CMTM4: variants seen among roughly 807,000 people sequenced by gnomAD.
CMTM4 encodes the protein CKLF like MARVEL transmembrane domain containing 4.
In CMTM4, 8 loss-of-function variants were observed where a neutral mutation model predicts 19.0. The ratio of observed to expected loss-of-function variants is 0.42; its 90% CI spans 0.25 to 0.76. The LOEUF (loss-of-function observed/expected upper bound fraction) is 0.76. Ranked by LOEUF, CMTM4 falls within the 30% of genes least tolerant of loss-of-function variation. The probability of loss-of-function intolerance (pLI) is 0.27; values close to 1 mark genes in which losing one functional copy is unlikely to be tolerated. For missense variants in CMTM4, 228 were observed against 290.2 expected, an observed-to-expected ratio of 0.79 and a Z score of 1.56; for synonymous variants, 106 against 121.1, an observed-to-expected ratio of 0.88 and a Z score of 0.82.
intron 1 of CMTM4, among the ~76,000 whole-genome samples, chr16:66,682,509 G>C (rs2016934550): frequency 6.6e-6 from 1 of 152,120 alleles, no homozygotes; most frequent in South Asian, 2.1e-4. Flanking sequence ...CGCAGTGGCA[G>C]TAAAGAAAAC....
intron 1 of CMTM4, among the ~76,000 whole-genome samples, chr16:66,672,418 C>CAA (rs58252678): frequency 1.3e-5 from 1 of 74,666 alleles, no homozygotes; most frequent in African/African-American, 4.6e-5. Flanking sequence ...GACTACGTCT[C>CAA]AAAAAAAAAA....
intron 1 of CMTM4, among the ~76,000 whole-genome samples, chr16:66,659,257 C>T (rs1199797504): frequency 2.0e-5 from 3 of 152,016 alleles, no homozygotes; most frequent in Non-Finnish European, 4.4e-5. Flanking sequence ...CACCTGTAGT[C>T]CCAGCTACTT....
chr16:66,672,477 A>G (rs977630149), intron 1 of CMTM4, among the ~76,000 whole-genome samples: 1 of 149,958 alleles, frequency 6.7e-6, no homozygotes, highest in Non-Finnish European at 1.5e-5. Flanking sequence ...CAACTTATAT[A>G]TATATAATAT....
intron 2 of CMTM4, among the ~76,000 whole-genome samples, chr16:66,624,322 A>C (rs1405743814): frequency 6.6e-6 from 1 of 152,250 alleles, no homozygotes; most frequent in Non-Finnish European, 1.5e-5. Flanking sequence ...GGCACCCAGT[A>C]GCCTGGGTCA....
rs2015623137 is a variant in CMTM4 at position 66,621,012 on chromosome 16, T to G, written c.*1046A>C. 1 of 985,768 alleles carries G rather than the reference T, an allele frequency of 1.0e-6. No individual in the cohort carries two copies. Among genetic ancestry groups the G allele is most frequent in the Admixed American group, 6.1e-5 (1 of 16,270 alleles). 61.1% of individuals were successfully genotyped at this position (985,768 alleles called of 1,614,324 possible). ...GCGCCCAAAGCGACAATTAGTGCCT[T>G]CTGAAACATGGGTGGAAGGGTGTGT... On this transcript the variant is annotated 3_prime_UTR_variant, in exon 4 of 4. Coordinates refer to ENST00000394106, the MANE Select transcript of CMTM4 (RefSeq NM_181521.3).
rs534496519 is a variant in CMTM4 at position 66,621,072 on chromosome 16, C to T, written c.*986G>A. On this transcript the variant is annotated 3_prime_UTR_variant, in exon 4 of 4. Transcript: ENST00000394106. ...AATTCAAGTATTTTCAAATCCTAGA[C>T]GAATCTGCTCAGAATCATTTTAGAA... The T allele has an allele frequency of 1.2e-4, 116 of 985,850 alleles. No individual in the cohort carries two copies. In the South Asian group the frequency reaches 2.3e-3, roughly 19 times the overall value. 61.1% of individuals were successfully genotyped at this position (985,850 alleles called of 1,614,324 possible).
chr16:66,674,388 G>A (rs1313935086), intron 1 of CMTM4, among the ~76,000 whole-genome samples: 3 of 152,264 alleles, frequency 2.0e-5, no homozygotes, highest in East Asian at 1.9e-4. Context: ...AGACAGGGAC[G>A]GACATGGCCC....
chr16:66,668,681 C>A lies in CMTM4; in HGVS notation c.186+27659G>T, dbSNP rs557752386. Among the ~76,000 whole-genome samples the A allele has an allele frequency of 3.3e-5, 5 of 151,986 alleles. No homozygotes were observed. The East Asian group carries it at 9.7e-4, about 29-fold the overall frequency. ...AAACAGATGACAACACTTCACTGTC[C>A]CTAAATAAGCTTTTGACTATTACCT... On this transcript the variant is annotated intron_variant, in intron 1 of 3. Coordinates refer to ENST00000394106, the MANE Select transcript of CMTM4 (RefSeq NM_181521.3).
chr16:66,606,255 CAG>C, the CMTM4 span, among the ~76,000 whole-genome samples: 3 of 152,066 alleles, frequency 2.0e-5, no homozygotes, highest in East Asian at 1.9e-4. Flanking sequence ...TGGACAGAAA[CAG>C]AGAGAGGAAG....
Position 66,618,227 on chromosome 16 carries a change from C to T in CMTM4, c.*3831G>A. The stretch of plus-strand genomic sequence containing the variant: ...TATTCTGCTCAAGAGAATCCACCAG[C>T]AGCTCTTGGCCTAGAAACTTTTTCC... On this transcript the variant is annotated 3_prime_UTR_variant, in exon 4 of 4. Transcript: ENST00000394106. 1.0e-6 allele frequency: 1 copy of T among 985,500 alleles called. No homozygotes were observed. Among genetic ancestry groups the T allele is most frequent in the South Asian group, 4.7e-5 (1 of 21,292 alleles). 61.0% of individuals were successfully genotyped at this position (985,500 alleles called of 1,614,324 possible). A position where few individuals can be genotyped will look rare whatever the true frequency, so the allele number is the denominator to read the frequency against.
In CMTM4 at chr16:66,615,632, C is replaced by T. The variant is rs2015512652; in HGVS notation, c.*6426G>A. On this transcript the variant is annotated 3_prime_UTR_variant, in exon 4 of 4. Coordinates refer to ENST00000394106, the MANE Select transcript of CMTM4 (RefSeq NM_181521.3). The surrounding 1 kb of genome is among the most constrained non-coding windows in gnomAD (Gnocchi z 4.9). ...GGCTGAGGTCCCCCAGGAAGCTTCC[C>T]ACTCTGCAGTGGCAGGAAGGCCATG... The T allele has an allele frequency of 6.6e-6, 1 of 152,280 alleles. No homozygotes were observed. The highest frequency in any genetic ancestry group is 1.5e-5 in the Non-Finnish European group (1 of 68,088). 9.4% of individuals were successfully genotyped at this position (152,280 alleles called of 1,614,324 possible).
chr16:66,610,731 G>A (rs1317238536), downstream of CMTM4: 3 of 398,288 alleles, frequency 7.5e-6, no homozygotes, highest in Non-Finnish European at 1.3e-5. The surrounding 1 kb of genome is among the most constrained non-coding windows in gnomAD (Gnocchi z 4.6). Flanking sequence ...GGCAGTGCCT[G>A]TGGCTGGACA....
rs2015641444 is a variant in CMTM4 at position 66,621,830 on chromosome 16, G to A, written c.*228C>T. The stretch of plus-strand genomic sequence containing the variant: ...CAGGTAAGACCTCAAGTGGACCTGG[G>A]CAGTGACGCCGGCTGCTCCACAGCC... On this transcript the variant is annotated 3_prime_UTR_variant, in exon 4 of 4. Transcript: ENST00000394106. 1 of 1,379,826 alleles carries A rather than the reference G, an allele frequency of 7.2e-7. No homozygotes were observed. The highest frequency in any genetic ancestry group is 1.4e-5 in the African/African-American group (1 of 68,992). The allele number at this position is 1,379,826 out of a possible 1,614,324, so 85.5% of individuals were successfully genotyped here. A position where few individuals can be genotyped will look rare whatever the true frequency, so the allele number is the denominator to read the frequency against.
downstream of CMTM4, chr16:66,611,160 T>C (rs2015361911): frequency 1.3e-5 from 4 of 298,904 alleles, no homozygotes; most frequent in South Asian, 1.6e-4. Flanking sequence ...TATGTTAGAA[T>C]TGAATATAGC....
chr16:66,645,334 CT>C (rs1207028274), intron 1 of CMTM4, among the ~76,000 whole-genome samples: 1 of 151,638 alleles, frequency 6.6e-6, no homozygotes, highest in Non-Finnish European at 1.5e-5. Flanking sequence ...AATCCCAGCA[CT>C]TTGGGAGGCC....
intron 2 of CMTM4, among the ~76,000 whole-genome samples, chr16:66,634,471 A>C (rs2015952362): frequency 6.6e-6 from 1 of 152,028 alleles, no homozygotes. Flanking sequence ...CAAAAACAAC[A>C]AAAAGTAGGT....
At chr16:66,640,979 A>G (rs1253060163) in intron 1 of CMTM4, among the ~76,000 whole-genome samples, 2 of 152,244 alleles carry the variant, frequency 1.3e-5, no homozygotes, top group African/African-American at 4.8e-5. Flanking sequence ...ACCTCCTGAG[A>G]GAACCAGAGC....
chr16:66,605,000 CT>C, the CMTM4 span: 2 of 1,402,432 alleles, frequency 1.4e-6, no homozygotes, highest in Non-Finnish European at 1.8e-6. Flanking sequence ...TGCGCGGCTC[CT>C]TTCGGAGGAG....
chr16:66,651,366 C>T (rs142979153), intron 1 of CMTM4, among the ~76,000 whole-genome samples: 69 of 152,242 alleles, frequency 4.5e-4, no homozygotes, highest in Middle Eastern at 6.8e-3. Flanking sequence ...GGTCTGCAAA[C>T]GGGGGCAAAT....
Sources: gnomAD v4.1 joint callset for allele counts (sites outside exome capture counted in the v4.1 genomes callset) on GRCh38, gnomAD v4.1.1 for gene constraint, Gnocchi (gnomAD v3.1) non-coding constraint, MANE v1.5 for transcripts, NCBI Gene and HGNC (gene_info 2026-07-23, HGNC 2026-07-21) for gene names.